Variants in MAP3K21 observed in about 807,000 individuals in gnomAD.
MAP3K21 encodes mitogen-activated protein kinase kinase kinase 21, also known as mitogen-activated protein kinase kinase kinase MLK4.
In MAP3K21, 63 loss-of-function variants were observed where a neutral mutation model predicts 86.1. That is an observed-to-expected ratio of 0.73 (90% CI 0.60 to 0.90). MAP3K21 has a LOEUF of 0.90. Among genes scored for constraint, MAP3K21 ranks in the 40% least tolerant of loss-of-function variants. MAP3K21 has a pLI of 0.00. For synonymous variants in MAP3K21, 558 were observed against 564.8 expected, an observed-to-expected ratio of 0.99 and a Z score of 0.17; for missense variants, 1,220 against 1,367.7, an observed-to-expected ratio of 0.89 and a Z score of 1.70.
intron 2 of MAP3K21, 74 bp downstream of exon 2, chr1:233,346,696 A>T: frequency 7.8e-7 from 1 of 1,286,356 alleles, no homozygotes; most frequent in East Asian, 2.5e-5. Flanking sequence ...CAAAGTATTC[A>T]GTAATTCTCA....
rs12735767 is a variant in MAP3K21 at position 233,330,446 on chromosome 1, T to A, written c.805+1613T>A. On this transcript the variant is annotated intron_variant, in intron 1 of 9. Coordinates refer to ENST00000366624, the MANE Select transcript of MAP3K21 (RefSeq NM_032435.3). ...TTTTCTTTCGATAATATATATATAT[T>A]TTTTTCAATAAAAGAAACGTCTGAC... Among the ~76,000 whole-genome samples, 33 of 152,276 alleles carry A rather than the reference T, an allele frequency of 2.2e-4. 1 individual carries two copies. The highest frequency in any genetic ancestry group is 6.2e-4 in the South Asian group (3 of 4,828).
At position 233,375,998 on chromosome 1, in the gene MAP3K21, T is replaced by G. The variant is rs774131913; in HGVS notation, c.1758T>G (p.Phe586Leu). 13 of 1,606,698 alleles carry G rather than the reference T, an allele frequency of 8.1e-6. No individual in the cohort carries two copies. Among genetic ancestry groups the G allele is most frequent in the Non-Finnish European group, 1.0e-5 (12 of 1,178,138 alleles). ...AATTTGAGGATGTAAAAAGGAATTT[T>G]AAGAAAAAAGGTTGTACCTGGGGAC... ...QEEFEDVKRN[F>L]KKKGCTWGPN... The change falls in exon 7 of 10, where the codon TTT becomes TTG. Residue 586 changes from phenylalanine (F) to leucine (L), a missense_variant. Coordinates refer to ENST00000366624, the MANE Select transcript of MAP3K21 (RefSeq NM_032435.3).
At chr1:233,380,117 G>C (rs1367623837) in intron 9 of MAP3K21, among the ~76,000 whole-genome samples, 1 of 152,198 alleles carries the variant, frequency 6.6e-6, no homozygotes, top group Non-Finnish European at 1.5e-5. Flanking sequence ...TTCTGTTTCT[G>C]TTGGGACTGT....
At chr1:233,345,563 C>T (rs941981166) in intron 1 of MAP3K21, among the ~76,000 whole-genome samples, 2 of 148,532 alleles carry the variant, frequency 1.3e-5, no homozygotes, top group Non-Finnish European at 3.0e-5. Context: ...TGGGGAACAT[C>T]ACAAACGGGG....
chr1:233,373,931 C>G (rs1009840338), intron 6 of MAP3K21: 2 of 152,184 alleles, frequency 1.3e-5, no homozygotes, highest in African/African-American at 4.8e-5. Flanking sequence ...TAGGAAGGGA[C>G]GAAGGTGAGG....
At chr1:233,377,606 A>G (rs12097179) in intron 8 of MAP3K21, among the ~76,000 whole-genome samples, 1,537 of 152,304 alleles carry the variant, frequency 0.01, 28 homozygotes, top group African/African-American at 0.035. Context: ...AATTGTCTAC[A>G]TCAGCAGTCC....
intron 6 of MAP3K21, chr1:233,373,222 G>A (rs900499826): frequency 6.6e-6 from 1 of 152,154 alleles, no homozygotes; most frequent in Non-Finnish European, 1.5e-5. Flanking sequence ...CTAGGCAAAG[G>A]CCTAATTAAC....
chr1:233,336,120 G>A (rs909524838), intron 1 of MAP3K21, among the ~76,000 whole-genome samples: 1 of 152,144 alleles, frequency 6.6e-6, no homozygotes, highest in Non-Finnish European at 1.5e-5. Flanking sequence ...AAAATAACAT[G>A]TTCTGCCTCA....
At chr1:233,347,856 C>T (rs182030238) in intron 2 of MAP3K21, among the ~76,000 whole-genome samples, 1 of 152,174 alleles carries the variant, frequency 6.6e-6, no homozygotes, top group Admixed American at 6.5e-5. Flanking sequence ...GGTAATACAC[C>T]TGCATGTGTA....
chr1:233,379,101 A>G lies in MAP3K21; in HGVS notation c.2095A>G (p.Thr699Ala). Residue 699 changes from threonine (T) to alanine (A), a missense_variant, in exon 9 of 10, where the codon ACA (threonine) becomes GCA (alanine). This residue lies in a region of MAP3K21 where 632 missense variants were observed against 691.3 expected (regional missense o/e 0.91). Transcript: ENST00000366624. ...WEEAASANAA[T>A]VSIEMTPTNS... ...GGAGGCAGCCTCTGCGAATGCTGCC[A>G]CAGTCTCCATTGAGATGACTCCTAC... 6.2e-7 allele frequency: 1 copy of G among 1,614,218 alleles called. No homozygotes were observed. Among genetic ancestry groups the G allele is most frequent in the Non-Finnish European group, 8.5e-7 (1 of 1,180,028 alleles).
chr1:233,382,245 T>G, intron 9 of MAP3K21, 60 bp from the exon 10 acceptor site: 2 of 1,376,246 alleles, frequency 1.5e-6, no homozygotes, highest in Admixed American at 2.1e-5. Flanking sequence ...TTTCTTGATA[T>G]TCATTGTTTT....
At chr1:233,347,094 T>C (rs566054314) in intron 2 of MAP3K21, among the ~76,000 whole-genome samples, 1 of 152,164 alleles carries the variant, frequency 6.6e-6, no homozygotes, top group Non-Finnish European at 1.5e-5. Flanking sequence ...GAGTGTCCAC[T>C]ATGTTTCCCA....
At position 233,379,247 on chromosome 1, in the gene MAP3K21, T is replaced by C; in HGVS notation, c.2241T>C (p.Ala747=). 1.9e-6 allele frequency: 3 copies of C among 1,614,234 alleles called. No homozygotes were observed. The highest frequency in any genetic ancestry group is 2.5e-6 in the Non-Finnish European group (3 of 1,180,032). ...LDLRELHKAQ[A]AEEPLPKEEK... ...TCAGAGAGCTTCATAAAGCACAGGC[T>C]GCTGAAGAACCGTTGCCCAAGGAAG... Residue 747 remains alanine, a synonymous_variant, in exon 9 of 10, where the codon GCT becomes GCC. Transcript: ENST00000366624.
At position 233,352,790 on chromosome 1, in the gene MAP3K21, C is replaced by T. The variant is rs1429254643; in HGVS notation, c.987-1017C>T. 2.0e-5 allele frequency among the ~76,000 whole-genome samples: 3 copies of T among 152,124 alleles called. No individual in the cohort carries two copies. In the East Asian group the frequency reaches 5.8e-4, roughly 29 times the overall value. ...ATGCTTATGTGTTTCAATCTGAAGT[C>T]AAGTGAATCATCTGGAGTGACTCTC... is the stretch of plus-strand genomic sequence containing the variant. On this transcript the variant is annotated intron_variant, in intron 2 of 9. Transcript: ENST00000366624.
chr1:233,334,647 T>A (rs1024765238), intron 1 of MAP3K21, among the ~76,000 whole-genome samples: 2 of 152,076 alleles, frequency 1.3e-5, no homozygotes, highest in Non-Finnish European at 2.9e-5. Flanking sequence ...AGGCAGTGAG[T>A]GCCATGGATG....
Position 233,328,596 on chromosome 1 carries a change from T to C in MAP3K21, c.568T>C (p.Cys190Arg), listed in dbSNP as rs1662744104. ...CAACATCATCGAGCTGCGCGGCGTG[T>C]GCCTGCAGCAGCCGCACCTCTGCCT... is the stretch of plus-strand genomic sequence containing the variant. ...HPNIIELRGVCLQQPHLCLVL... is the reference protein window; with the variant it reads ...HPNIIELRGVRLQQPHLCLVL... Residue 190 changes from cysteine (C) to arginine (R), a missense_variant, in exon 1 of 10, where the codon TGC (cysteine) becomes CGC (arginine). Cys to Arg is a radical substitution (Grantham distance 180). Around this residue, in one of 5 missense-constraint regions of MAP3K21, gnomAD observed 369 missense variants for 385.3 expected, o/e 0.96. Coordinates refer to ENST00000366624, the MANE Select transcript of MAP3K21 (RefSeq NM_032435.3). The surrounding 1 kb of genome is among the most constrained non-coding windows in gnomAD (Gnocchi z 8.7). 2 of 1,512,890 alleles carry C rather than the reference T, an allele frequency of 1.3e-6. No homozygotes were observed. The highest frequency in any genetic ancestry group is 1.8e-6 in the Non-Finnish European group (2 of 1,140,068). The allele number at this position is 1,512,890 out of a possible 1,614,324, so 93.7% of individuals were successfully genotyped here. A position where few individuals can be genotyped will look rare whatever the true frequency, so the allele number is the denominator to read the frequency against.
chr1:233,363,635 G>A (rs1663509323), intron 5 of MAP3K21, among the ~76,000 whole-genome samples: 2 of 150,980 alleles, frequency 1.3e-5, no homozygotes, highest in Non-Finnish European at 2.9e-5. Flanking sequence ...CTGGGAGGTG[G>A]AGGTTGCAGT....
chr1:233,371,970 C>T, intron 5 of MAP3K21, 68 bp from the exon 6 acceptor site: 1 of 1,525,138 alleles, frequency 6.6e-7, no homozygotes, highest in Non-Finnish European at 8.9e-7. Context: ...TTGCTGTGTG[C>T]TAAATACATG....
chr1:233,352,076 C>T (rs567924407), intron 2 of MAP3K21, among the ~76,000 whole-genome samples: 36 of 152,102 alleles, frequency 2.4e-4, no homozygotes, highest in African/African-American at 7.7e-4. Flanking sequence ...TTTTTAGAGA[C>T]GAGTTTTACC....
Sources: gnomAD v4.1 joint callset for allele counts (sites outside exome capture counted in the v4.1 genomes callset) on GRCh38, gnomAD v4.1.1 for gene constraint, gnomAD v4.1.1 regional missense constraint, Gnocchi (gnomAD v3.1) non-coding constraint, MANE v1.5 for transcripts, NCBI Gene and HGNC (gene_info 2026-07-23, HGNC 2026-07-21) for gene names.